PLCH2: variants seen among roughly 807,000 people sequenced by gnomAD.
PLCH2 encodes phospholipase C eta 2.
In PLCH2, 98 loss-of-function variants were observed where a neutral mutation model predicts 134.7. The observed-to-expected ratio is 0.73, with a 90% CI of 0.62 to 0.86. PLCH2 has a LOEUF of 0.86. Ranked by LOEUF, PLCH2 falls within the 40% of genes least tolerant of loss-of-function variation. The pLI is 0.00. For missense variants in PLCH2, 1,994 were observed against 1,986.6 expected (o/e 1.00, Z -0.07); for synonymous variants, 974 against 827.5 (o/e 1.18, Z -3.04).
At chr1:2,502,995 C>T (rs979220406) in intron 21 of PLCH2, 18 of 716,200 alleles carry the variant, frequency 2.5e-5, no homozygotes, top group African/African-American at 1.2e-4. Flanking sequence ...TCTGCGTGGA[C>T]GGTGTCGCCT....
chr1:2,488,774 C>T (rs369163234), intron 8 of PLCH2, among the ~76,000 whole-genome samples: 3 of 152,202 alleles, frequency 2.0e-5, no homozygotes, highest in African/African-American at 7.2e-5. Context: ...GTCAGGACCC[C>T]AGGGCCATTC....
At chr1:2,450,401 C>G (rs979767002) in intron 2 of PLCH2, among the ~76,000 whole-genome samples, 1 of 151,966 alleles carries the variant, frequency 6.6e-6, no homozygotes, top group African/African-American at 2.4e-5. Context: ...TGGGCTGGGC[C>G]GTCTGGGATG....
rs773870027 is a variant in PLCH2 at position 2,484,543 on chromosome 1, C to T, written c.741C>T (p.Leu247=). Residue 247 remains leucine, a synonymous_variant, in exon 5 of 22, where the codon CTC becomes CTT. Coordinates refer to ENST00000378486, the MANE Select transcript of PLCH2 (RefSeq NM_014638.4). The part of the protein sequence containing the change: ...MMSTRRDLYL[L]MLTYSNHKDH... ...CCACCCGCCGGGACCTCTACCTGCT[C>T]ATGCTGACCTACAGCAACCACAAGG... is the stretch of plus-strand genomic sequence containing the variant. 22 of 1,613,142 alleles carry T rather than the reference C, an allele frequency of 1.4e-5. No individual in the cohort carries two copies. Among genetic ancestry groups the T allele is most frequent in the Non-Finnish European group, 1.9e-5 (22 of 1,179,810 alleles).
rs569326486 is a variant in PLCH2 at position 2,504,211 on chromosome 1, G to C, written c.3249G>C (p.Arg1083=). 6.4e-7 allele frequency: 1 copy of C among 1,559,556 alleles called. No individual in the cohort carries two copies. The highest frequency in any genetic ancestry group is 1.2e-5 in the South Asian group (1 of 85,550). ...GSQTDGRSQP[R]TLGHLPVIRR... is the part of the protein sequence containing the mutation. ...AGACGGACGGCAGGAGCCAGCCCCG[G>C]ACCCTGGGCCACCTGCCCGTGATTA... Residue 1083 remains arginine (R), a synonymous_variant, in exon 22 of 22, where the codon CGG becomes CGC. Transcript: ENST00000378486.
At chr1:2,426,822 A>AG (rs1211350516) in intron 1 of PLCH2, among the ~76,000 whole-genome samples, 1 of 152,202 alleles carries the variant, frequency 6.6e-6, no homozygotes, top group African/African-American at 2.4e-5. Context: ...GGGCGTAGCC[A>AG]GGCGGGCTCC....
At chr1:2,478,414 C>T (rs541716466) in intron 1 of PLCH2, 62 bp from the exon 2 acceptor site, 45 of 1,587,502 alleles carry the variant, frequency 2.8e-5, no homozygotes, top group Middle Eastern at 1.7e-4. Context: ...CGCTGACGGC[C>T]GTGTCTCTCC....
chr1:2,428,423 C>T (rs10910073), intron 1 of PLCH2, among the ~76,000 whole-genome samples: 5 of 152,114 alleles, frequency 3.3e-5, no homozygotes, highest in African/African-American at 1.2e-4. Flanking sequence ...TCTGGGACCA[C>T]GGTGGCTCTC....
At chr1:2,471,482 C>T (rs1641323001), upstream of PLCH2, among the ~76,000 whole-genome samples, 1 of 152,240 alleles carries the variant, frequency 6.6e-6, no homozygotes, top group Non-Finnish European at 1.5e-5. Flanking sequence ...ACTGGGACTG[C>T]TTTGGACACC....
intron 2 of PLCH2, among the ~76,000 whole-genome samples, chr1:2,442,203 AATC>A (rs1419263527): frequency 1.3e-5 from 2 of 152,182 alleles, no homozygotes; most frequent in Non-Finnish European, 2.9e-5. Context: ...GGGCTTCAGC[AATC>A]AGGAAAGAAC....
intron 2 of PLCH2, among the ~76,000 whole-genome samples, chr1:2,436,016 C>G (rs990474721): frequency 2.8e-5 from 3 of 108,676 alleles, no homozygotes; most frequent in Non-Finnish European, 6.0e-5. Flanking sequence ...CGCTTCCCTC[C>G]TCTCTCCTCC....
At chr1:2,431,329 G>T (rs1273066154) in intron 2 of PLCH2, among the ~76,000 whole-genome samples, 1 of 121,440 alleles carries the variant, frequency 8.2e-6, no homozygotes, top group Non-Finnish European at 1.8e-5. Flanking sequence ...GTGCCCAAGT[G>T]CGTGTGTGTG....
At chr1:2,457,966 G>C (rs1448770536) in intron 2 of PLCH2, among the ~76,000 whole-genome samples, 2 of 152,094 alleles carry the variant, frequency 1.3e-5, no homozygotes, top group Non-Finnish European at 2.9e-5. Flanking sequence ...AGGGAGGGCA[G>C]AGAGCAACGT....
chr1:2,477,024 C>T (rs1179584728), intron 1 of PLCH2, among the ~76,000 whole-genome samples: 1 of 152,184 alleles, frequency 6.6e-6, no homozygotes, highest in East Asian at 1.9e-4. Flanking sequence ...GTGCCTTGTG[C>T]TCTGGGGGTC....
At chr1:2,443,918 C>T (rs1436100933) in intron 2 of PLCH2, among the ~76,000 whole-genome samples, 1 of 151,762 alleles carries the variant, frequency 6.6e-6, no homozygotes, top group Non-Finnish European at 1.5e-5. Context: ...CCTCGCTGCC[C>T]TCGCTGCAGC....
exon 1 of PLCH2, chr1:2,467,453 CTTCCTCACG>C (rs202147844): frequency 0.013 from 4,258 of 340,120 alleles, 48 homozygotes; most frequent in South Asian, 0.026. Flanking sequence ...CCTTCCTCAC[CTTCCTCACG>C]GGCGGGCGCG....
At chr1:2,419,596 G>A in the PLCH2 span, among the ~76,000 whole-genome samples, 35 of 152,156 alleles carry the variant, frequency 2.3e-4, no homozygotes, top group Admixed American at 5.9e-4. Context: ...GCAGGGGCCC[G>A]GGGCTCTCCA....
At chr1:2,467,209 T>C (rs1198547352), upstream of PLCH2, among the ~76,000 whole-genome samples, 1 of 151,904 alleles carries the variant, frequency 6.6e-6, no homozygotes, top group Non-Finnish European at 1.5e-5. Context: ...GAGGACAGGA[T>C]GAACGGTGGG....
chr1:2,442,308 C>T (rs987492482), intron 2 of PLCH2, among the ~76,000 whole-genome samples: 2 of 152,136 alleles, frequency 1.3e-5, no homozygotes, highest in African/African-American at 4.8e-5. Flanking sequence ...AGGACATGCA[C>T]CTGTGTCTTC....
At chr1:2,416,772 G>C in the PLCH2 span, among the ~76,000 whole-genome samples, 4 of 152,264 alleles carry the variant, frequency 2.6e-5, no homozygotes, top group Non-Finnish European at 5.9e-5. Context: ...AGTGCAGAGG[G>C]TTGGTGTGGG....
Sources: gnomAD v4.1 joint callset for allele counts (sites outside exome capture counted in the v4.1 genomes callset) on GRCh38, gnomAD v4.1.1 for gene constraint, MANE v1.5 for transcripts, NCBI Gene and HGNC (gene_info 2026-07-23, HGNC 2026-07-21) for gene names.